Variants in ATAD2B observed in about 807,000 individuals in gnomAD.
The protein encoded by ATAD2B is ATPase family AAA domain-containing protein 2B.
Under a neutral mutation model 167.6 loss-of-function variants are expected in ATAD2B, and 40 were observed. That is an observed-to-expected ratio of 0.24 (90% CI 0.19 to 0.31). The LOEUF (loss-of-function observed/expected upper bound fraction) is 0.31, where lower values mean the gene tolerates loss of function less well. ATAD2B is among the 10% of genes least tolerant of loss of function. ATAD2B has a pLI of 1.00. For synonymous variants in ATAD2B, 579 were observed against 596.5 expected, an observed-to-expected ratio of 0.97 and a Z score of 0.43; for missense variants, 1,242 against 1,757.2, an observed-to-expected ratio of 0.71 and a Z score of 5.24.
chr2:23,909,550 T>C lies in ATAD2B; in HGVS notation c.217-13580A>G, dbSNP rs1701972140. 9.9e-5 allele frequency among the ~76,000 whole-genome samples: 15 copies of C among 152,116 alleles called. No homozygotes were observed. In the South Asian group the frequency reaches 3.1e-3, roughly 32 times the overall value. ...TGTACCTATGGGTATAACCTATGAGTTGTTTATATGTGCATATGTGTGTGA... is the reference window on the plus strand; with the variant it reads ...TGTACCTATGGGTATAACCTATGAGCTGTTTATATGTGCATATGTGTGTGA... On this transcript the variant is annotated intron_variant, in intron 1 of 27. Transcript: ENST00000238789.
intron 18 of ATAD2B, among the ~76,000 whole-genome samples, chr2:23,803,341 C>CGT (rs1177485318): frequency 1.4e-5 from 2 of 144,740 alleles, no homozygotes; most frequent in Non-Finnish European, 3.1e-5. Flanking sequence ...CACACACACG[C>CGT]GCACGCATTT....
intron 2 of ATAD2B, among the ~76,000 whole-genome samples, chr2:23,889,410 TG>T (rs1699148628): frequency 6.6e-6 from 1 of 151,914 alleles, no homozygotes; most frequent in African/African-American, 2.4e-5. Flanking sequence ...TCAGGTGATC[TG>T]CCCACCTCGG....
intron 8 of ATAD2B, chr2:23,872,739 G>A: frequency 9.7e-7 from 1 of 1,026,752 alleles, no homozygotes. Context: ...CCCCCATAGT[G>A]CTGCTCACTG....
chr2:23,694,309 C>T, the ATAD2B span, among the ~76,000 whole-genome samples: 15,336 of 152,268 alleles, frequency 0.1, 869 homozygotes, highest in Middle Eastern at 0.17. Context: ...TTTCGCTACA[C>T]GCGCTCATTC....
chr2:23,903,955 T>TG (rs1187945282), intron 1 of ATAD2B, among the ~76,000 whole-genome samples: 1 of 151,858 alleles, frequency 6.6e-6, no homozygotes, highest in Non-Finnish European at 1.5e-5. Context: ...GTGGTGGTGG[T>TG]GGTGGTAGTG....
chr2:23,765,724 A>G (rs1558500994), intron 22 of ATAD2B, 96 bp from the exon 23 acceptor site: 3 of 808,968 alleles, frequency 3.7e-6, no homozygotes, highest in Non-Finnish European at 1.7e-6. Context: ...ACAAAATTAT[A>G]AAAAGCATTG....
At chr2:23,812,479 C>G (rs1321691441) in intron 17 of ATAD2B, among the ~76,000 whole-genome samples, 2 of 152,054 alleles carry the variant, frequency 1.3e-5, no homozygotes, top group African/African-American at 4.8e-5. Flanking sequence ...GTTGAAATCC[C>G]AAAAGAATTT....
At chr2:23,869,050 C>G (rs1016786408) in intron 9 of ATAD2B, among the ~76,000 whole-genome samples, 1 of 152,128 alleles carries the variant, frequency 6.6e-6, no homozygotes, top group Admixed American at 6.6e-5. Context: ...TCTAACTGAT[C>G]CAAACTTGTT....
chr2:23,792,939 G>A (rs1456802939), intron 19 of ATAD2B, among the ~76,000 whole-genome samples: 2 of 113,066 alleles, frequency 1.8e-5, no homozygotes, highest in East Asian at 6.1e-4. Flanking sequence ...CTCCAGCCTG[G>A]GCAACAGCGA....
At chr2:23,763,120 TACAAA>T (rs906898803) in intron 23 of ATAD2B, among the ~76,000 whole-genome samples, 7 of 152,230 alleles carry the variant, frequency 4.6e-5, no homozygotes, top group Non-Finnish European at 7.3e-5. Context: ...TATCTTTCCC[TACAAA>T]ACAAAACAGT....
At chr2:23,698,361 A>C in the ATAD2B span, among the ~76,000 whole-genome samples, 3 of 152,350 alleles carry the variant, frequency 2.0e-5, no homozygotes, top group East Asian at 5.8e-4. Context: ...GTGCAGGGGA[A>C]GGAACGCTCA....
At chr2:23,894,571 T>A (rs952044313) in intron 2 of ATAD2B, among the ~76,000 whole-genome samples, 2 of 152,030 alleles carry the variant, frequency 1.3e-5, no homozygotes, top group African/African-American at 4.8e-5. Flanking sequence ...TGCACTTGAA[T>A]AAACTGTTAA....
At chr2:23,753,273 T>C (rs1675568947) in intron 27 of ATAD2B, among the ~76,000 whole-genome samples, 2 of 152,132 alleles carry the variant, frequency 1.3e-5, no homozygotes, top group South Asian at 4.1e-4. Flanking sequence ...ACATGAAAAA[T>C]AACTATATCC....
chr2:23,778,128 G>GA (rs147393169), intron 22 of ATAD2B, among the ~76,000 whole-genome samples: 9,850 of 142,794 alleles, frequency 0.069, 399 homozygotes, highest in African/African-American at 0.13. Context: ...CTGTTGCTAA[G>GA]AAAAAAAAAA....
In ATAD2B at chr2:23,926,849, C is replaced by A; in HGVS notation, c.-79G>T. 1 of 1,433,684 alleles carries A rather than the reference C, an allele frequency of 7.0e-7. No individual in the cohort carries two copies. The highest frequency in any genetic ancestry group is 9.2e-7 in the Non-Finnish European group (1 of 1,091,992). 88.8% of individuals were successfully genotyped at this position (1,433,684 alleles called of 1,614,324 possible). On this transcript the variant is annotated 5_prime_UTR_variant, in exon 1 of 28. Coordinates refer to ENST00000238789, the MANE Select transcript of ATAD2B (RefSeq NM_017552.4). ...CGGCCCGCCGGCCGGTCAGTCAGGG[C>A]CAGCGGAGCCGAGCCGGGCAATGAG...
rs910152351 is a variant in ATAD2B, at chr2:23,836,775, G to T, written c.1569-2697C>A. On this transcript the variant is annotated intron_variant, in intron 13 of 27. Coordinates refer to ENST00000238789, the MANE Select transcript of ATAD2B (RefSeq NM_017552.4). ...CTCTCAGCAGAGAGGTGGCCCTGGA[G>T]GGGGTAGCTCCTCTCTGAAGTTGGT... Among the ~76,000 whole-genome samples the T allele has an allele frequency of 4.6e-5, 7 of 152,088 alleles. No homozygotes were observed. In the East Asian group the frequency reaches 1.2e-3, roughly 25 times the overall value.
the ATAD2B span, among the ~76,000 whole-genome samples, chr2:23,724,994 G>C: frequency 7.7e-6 from 1 of 130,446 alleles, no homozygotes; most frequent in African/African-American, 2.9e-5. Context: ...AGTGAGCCGA[G>C]ATCTCGCCAC....
intron 22 of ATAD2B, among the ~76,000 whole-genome samples, chr2:23,769,791 C>T (rs1678033141): frequency 6.9e-6 from 1 of 145,984 alleles, no homozygotes; most frequent in Non-Finnish European, 1.5e-5. Context: ...TCTGGGCTCA[C>T]TGCATCCTCT....
the ATAD2B span, among the ~76,000 whole-genome samples, chr2:23,739,291 T>C: frequency 2.0e-5 from 3 of 152,166 alleles, no homozygotes; most frequent in East Asian, 3.8e-4. Flanking sequence ...ATTGACCACA[T>C]AGTTGGAAGT....
Sources: gnomAD v4.1 joint callset for allele counts (sites outside exome capture counted in the v4.1 genomes callset) on GRCh38, gnomAD v4.1.1 for gene constraint, MANE v1.5 for transcripts, NCBI Gene and HGNC (gene_info 2026-07-23, HGNC 2026-07-21) for gene names.